The following CADPS2 variants were observed in gnomAD, a reference collection of about 807,000 sequenced individuals.
CADPS2 encodes the protein calcium-dependent secretion activator 2.
Under a neutral mutation model 172.5 loss-of-function variants are expected in CADPS2, and 93 were observed. That is an observed-to-expected ratio of 0.54 (90% CI 0.46 to 0.64). The LOEUF (loss-of-function observed/expected upper bound fraction) is 0.64. Among genes scored for constraint, CADPS2 ranks in the 30% least tolerant of loss-of-function variants. The pLI is 0.00. For missense variants in CADPS2, 1,420 were observed against 1,565.9 expected (o/e 0.91, Z 1.57); for synonymous variants, 546 against 555.2 (o/e 0.98, Z 0.23).
intron 3 of CADPS2, among the ~76,000 whole-genome samples, chr7:122,649,216 A>T (rs2078880289): frequency 6.6e-6 from 1 of 152,046 alleles, no homozygotes. Context: ...CCATTTCATG[A>T]TCCTCATGCC....
chr7:122,515,938 GA>G (rs200447537), intron 8 of CADPS2, among the ~76,000 whole-genome samples: 2,428 of 144,948 alleles, frequency 0.017, 61 homozygotes, highest in African/African-American at 0.063. Context: ...AATATATTTG[GA>G]AAAAAAACAT....
intron 7 of CADPS2, among the ~76,000 whole-genome samples, chr7:122,577,634 T>C (rs541739672): frequency 3.3e-5 from 5 of 152,300 alleles, no homozygotes; most frequent in African/African-American, 1.2e-4. Context: ...ACACAGATTT[T>C]TGTGTTGACA....
intron 25 of CADPS2, among the ~76,000 whole-genome samples, chr7:122,370,226 T>C (rs936338626): frequency 6.6e-6 from 1 of 152,162 alleles, no homozygotes; most frequent in Non-Finnish European, 1.5e-5. Flanking sequence ...ATTTTATGTT[T>C]GTTAGTGTGT....
chr7:122,858,949 C>T (rs932793103), intron 1 of CADPS2, among the ~76,000 whole-genome samples: 1 of 152,176 alleles, frequency 6.6e-6, no homozygotes, highest in Admixed American at 6.5e-5. Flanking sequence ...GTGCTACCTA[C>T]TGCAAGAATT....
At position 122,782,631 on chromosome 7, in the gene CADPS2, C is replaced by A. The variant is rs192026035; in HGVS notation, c.340-45563G>T. On this transcript the variant is annotated intron_variant, in intron 1 of 29. Transcript: ENST00000449022. ...GTCTCAGCAACAACAACAACAACAA[C>A]AAAAAATTGAGTTTTAATTTCCTTC... Among the ~76,000 whole-genome samples the A allele has an allele frequency of 3.5e-3, 527 of 152,158 alleles. 2 individuals are homozygous for A. Among genetic ancestry groups the A allele is most frequent in the African/African-American group, 0.012 (478 of 41,502 alleles).
intron 27 of CADPS2, among the ~76,000 whole-genome samples, chr7:122,351,242 G>A (rs543851346): frequency 7.3e-5 from 11 of 150,702 alleles, no homozygotes; most frequent in East Asian, 5.9e-4. Context: ...GCATGGTGGC[G>A]GGTGCCTGTA....
rs1165078255 is a variant in CADPS2 at position 122,759,596 on chromosome 7, G to T, written c.340-22528C>A. Among the ~76,000 whole-genome samples the T allele has an allele frequency of 2.0e-5, 3 of 152,038 alleles. No individual in the cohort carries two copies. The East Asian group carries it at 5.8e-4, about 29-fold the overall frequency. ...GGCTTTTGAATCTTCTGAACATTAT[G>T]TAGAAGGGCTTAATTTTATAGACTA... On this transcript the variant is annotated intron_variant, in intron 1 of 29. Transcript: ENST00000449022.
chr7:122,519,963 T>C (rs2060656746), intron 8 of CADPS2, among the ~76,000 whole-genome samples: 1 of 152,048 alleles, frequency 6.6e-6, no homozygotes. Flanking sequence ...TAGTTATATA[T>C]AATCATTAGC....
rs2046813370 is a variant in CADPS2, at chr7:122,407,658, T to C, written c.2628A>G (p.Ala876=). The C allele has an allele frequency of 6.2e-7, 1 of 1,611,822 alleles. No individual in the cohort carries two copies. Among genetic ancestry groups the C allele is most frequent in the Non-Finnish European group, 8.5e-7 (1 of 1,178,938 alleles). Residue 876 remains alanine (A), a synonymous_variant, in exon 20 of 30, where the codon GCA becomes GCG. Transcript: ENST00000449022. ...CTGTAAATAAAGCCCAAAATTTCTC[T>C]GCATGTTCAGCCAATAAATCAGGCC... is the stretch of plus-strand genomic sequence containing the variant. ...AWWPDLLAEH[A]EKFWALFTVD...
chr7:122,632,824 T>C (rs946805662), intron 3 of CADPS2, among the ~76,000 whole-genome samples: 4 of 152,222 alleles, frequency 2.6e-5, no homozygotes, highest in African/African-American at 9.7e-5. Flanking sequence ...TTTTTAAACT[T>C]TGAAGTCTTA....
intron 2 of CADPS2, among the ~76,000 whole-genome samples, chr7:122,684,932 C>T (rs999480029): frequency 6.6e-5 from 10 of 152,222 alleles, no homozygotes; most frequent in African/African-American, 2.4e-4. Flanking sequence ...ATTTTAAAAA[C>T]AAACATTCTG....
intron 24 of CADPS2, among the ~76,000 whole-genome samples, chr7:122,383,806 T>G (rs1277929250): frequency 6.6e-6 from 1 of 152,100 alleles, no homozygotes; most frequent in Non-Finnish European, 1.5e-5. Context: ...TTGGACCTTG[T>G]CTTGGGGTAT....
intron 9 of CADPS2, among the ~76,000 whole-genome samples, chr7:122,508,449 G>GTTTTTTTTTTTTTTTTTTTTTTTTTT (rs1205155217): frequency 1.5e-5 from 1 of 68,418 alleles, no homozygotes; most frequent in Non-Finnish European, 3.0e-5. Context: ...ATTCATTTAA[G>GTTTTTTTTTTTTTTTTTTTTTTTTTT]TTTTTTTTTT....
At chr7:122,500,211 C>T (rs2130348630) in intron 9 of CADPS2, among the ~76,000 whole-genome samples, 1 of 152,170 alleles carries the variant, frequency 6.6e-6, no homozygotes, top group Middle Eastern at 3.4e-3. Flanking sequence ...AAATTTGTCC[C>T]CTTTACCATT....
chr7:122,654,234 G>A (rs1237602781), intron 3 of CADPS2, among the ~76,000 whole-genome samples: 9 of 152,238 alleles, frequency 5.9e-5, no homozygotes, highest in Admixed American at 5.9e-4. Context: ...TGCTGATGTA[G>A]AAGCTGCAGT....
At chr7:122,387,779 AC>A (rs1207587521) in intron 23 of CADPS2, among the ~76,000 whole-genome samples, 1 of 152,044 alleles carries the variant, frequency 6.6e-6, no homozygotes, top group Admixed American at 6.6e-5. Flanking sequence ...CAGAATCGAG[AC>A]ATCAAAATCA....
intron 9 of CADPS2, among the ~76,000 whole-genome samples, chr7:122,495,843 C>A (rs2058692076): frequency 1.3e-5 from 2 of 152,078 alleles, no homozygotes. Context: ...TTTTTGCCAA[C>A]TTTGATGGGT....
chr7:122,577,347 C>T (rs971802922), intron 7 of CADPS2, among the ~76,000 whole-genome samples: 1 of 152,098 alleles, frequency 6.6e-6, no homozygotes, highest in Non-Finnish European at 1.5e-5. Flanking sequence ...GGCTGACAAC[C>T]CACCTCAGCT....
At chr7:122,865,843 C>T (rs762742320) in intron 1 of CADPS2, among the ~76,000 whole-genome samples, 26 of 152,294 alleles carry the variant, frequency 1.7e-4, no homozygotes, top group Middle Eastern at 3.4e-3. Flanking sequence ...CAGTAGATAA[C>T]CATATTCCAA....
Sources: allele counts gnomAD v4.1 joint callset (sites outside exome capture counted in the v4.1 genomes callset), GRCh38; gene constraint gnomAD v4.1.1; transcripts MANE v1.5; gene names NCBI Gene and HGNC (gene_info 2026-07-23, HGNC 2026-07-21).